TMEM272: variants seen among roughly 807,000 people sequenced by gnomAD.
The protein encoded by TMEM272 is transmembrane protein 272.
In TMEM272, 8 loss-of-function variants were observed where a neutral mutation model predicts 3.7. The ratio of observed to expected loss-of-function variants is 2.17; its 90% CI spans 1.27 to 3.91. The LOEUF (loss-of-function observed/expected upper bound fraction) is 3.91. Among genes scored for constraint, TMEM272 ranks in the 30% most tolerant of loss-of-function variants. The pLI, the probability that TMEM272 is intolerant of heterozygous loss-of-function variation, is 0.00. For synonymous variants in TMEM272, 63 were observed against 39.8 expected, an observed-to-expected ratio of 1.58 and a Z score of -2.20; for missense variants, 166 against 91.5, an observed-to-expected ratio of 1.81 and a Z score of -3.32.
intron 3 of TMEM272, 41 bp from the exon 4 acceptor site, chr13:51,822,178 C>A: frequency 1.5e-6 from 1 of 660,356 alleles, no homozygotes; most frequent in Non-Finnish European, 2.7e-6. Context: ...GAAATACATT[C>A]GAGAGCACAA....
the TMEM272 span, chr13:51,909,966 T>G: frequency 6.3e-6 from 10 of 1,591,522 alleles, no homozygotes; most frequent in Admixed American, 8.4e-5. Context: ...CTGGCTTTCC[T>G]GAAGTTGACA....
At chr13:51,909,978 T>C in the TMEM272 span, 1 of 1,582,002 alleles carries the variant, frequency 6.3e-7, no homozygotes, top group Non-Finnish European at 8.7e-7. Context: ...AAGTTGACAA[T>C]TTTCACTCGA....
At chr13:51,857,036 G>A in the TMEM272 span, among the ~76,000 whole-genome samples, 1 of 152,104 alleles carries the variant, frequency 6.6e-6, no homozygotes, top group Non-Finnish European at 1.5e-5. Flanking sequence ...CCAATACTAT[G>A]ATAATACAAA....
At chr13:51,899,975 T>C in the TMEM272 span, among the ~76,000 whole-genome samples, 1 of 152,196 alleles carries the variant, frequency 6.6e-6, no homozygotes, top group African/African-American at 2.4e-5. Flanking sequence ...GGACTCCTAT[T>C]ACAAACCACA....
At chr13:51,856,590 G>T in the TMEM272 span, among the ~76,000 whole-genome samples, 1 of 152,138 alleles carries the variant, frequency 6.6e-6, no homozygotes, top group South Asian at 2.1e-4. Flanking sequence ...AAGCAAGATG[G>T]AGTCAACTAT....
At chr13:51,890,348 CT>C in the TMEM272 span, among the ~76,000 whole-genome samples, 1 of 152,092 alleles carries the variant, frequency 6.6e-6, no homozygotes, top group Admixed American at 6.5e-5. Context: ...AGTACTTGCT[CT>C]GTTAGTTTCC....
At chr13:51,827,487 T>C (rs1170303520) in intron 2 of TMEM272, among the ~76,000 whole-genome samples, 2 of 152,260 alleles carry the variant, frequency 1.3e-5, no homozygotes, top group Non-Finnish European at 2.9e-5. Flanking sequence ...CAGATATATC[T>C]GCAGATATAG....
the TMEM272 span, among the ~76,000 whole-genome samples, chr13:51,857,980 C>A: frequency 6.6e-6 from 1 of 152,116 alleles, no homozygotes; most frequent in Non-Finnish European, 1.5e-5. Flanking sequence ...CAAAGTAGAA[C>A]TTAAGGCAAG....
Position 51,834,204 on chromosome 13 carries a change from G to T in TMEM272, c.58+4269C>A, listed in dbSNP as rs76434140. On this transcript the variant is annotated intron_variant, in intron 2 of 4. Coordinates refer to ENST00000629372, the MANE Select transcript of TMEM272 (RefSeq NM_001351003.2). The stretch of plus-strand genomic sequence containing the variant: ...AAATCCTCTCGCTTGGAAGAGGGGC[G>T]CACTTTTCTTCCAATAAAAGCACCG... 7.9e-4 allele frequency among the ~76,000 whole-genome samples: 120 copies of T among 152,288 alleles called. 1 individual carries two copies. In the East Asian group the frequency reaches 0.019, roughly 25 times the overall value.
At chr13:51,885,416 C>T in the TMEM272 span, among the ~76,000 whole-genome samples, 12 of 152,180 alleles carry the variant, frequency 7.9e-5, no homozygotes, top group African/African-American at 2.9e-4. Context: ...AGAATGAGTG[C>T]CAGCAGGGGA....
chr13:51,853,411 CA>C, the TMEM272 span, among the ~76,000 whole-genome samples: 108 of 137,584 alleles, frequency 7.8e-4, no homozygotes, highest in Admixed American at 1.0e-3. Flanking sequence ...CTCCATCTCT[CA>C]AAAAAAAAAA....
At chr13:51,843,763 G>C (rs1956281010) in intron 1 of TMEM272, among the ~76,000 whole-genome samples, 2 of 152,170 alleles carry the variant, frequency 1.3e-5, no homozygotes, top group African/African-American at 4.8e-5. Flanking sequence ...ACCTGCCTCT[G>C]CACCTAGAAG....
chr13:51,834,061 C>T (rs1956195165), intron 2 of TMEM272, among the ~76,000 whole-genome samples: 1 of 152,094 alleles, frequency 6.6e-6, no homozygotes, highest in Non-Finnish European at 1.5e-5. Context: ...CGTAAAGACC[C>T]CGACATCTCA....
chr13:51,817,585 T>G (rs1457380100), intron 4 of TMEM272, among the ~76,000 whole-genome samples: 12 of 152,190 alleles, frequency 7.9e-5, no homozygotes, highest in Non-Finnish European at 1.3e-4. Flanking sequence ...TTCCAGGCCA[T>G]GTAACAGGCT....
At chr13:51,905,708 T>C in the TMEM272 span, among the ~76,000 whole-genome samples, 1 of 152,172 alleles carries the variant, frequency 6.6e-6, no homozygotes, top group Non-Finnish European at 1.5e-5. Context: ...TCAAGGGCCA[T>C]GCGACACTTA....
chr13:51,823,084 T>C (rs1459533919), intron 3 of TMEM272, among the ~76,000 whole-genome samples: 2 of 151,974 alleles, frequency 1.3e-5, no homozygotes, highest in Non-Finnish European at 1.5e-5. Flanking sequence ...AAAGCATTTA[T>C]TTTTTTTGAG....
In TMEM272 at chr13:51,822,102, G is replaced by C. The variant is rs1347308253; in HGVS notation, c.154C>G (p.Leu52Val). 1.4e-6 allele frequency: 1 copy of C among 702,504 alleles called. No homozygotes were observed. The highest frequency in any genetic ancestry group is 2.0e-5 in the Admixed American group (1 of 50,010). 43.5% of individuals were successfully genotyped at this position (702,504 alleles called of 1,614,324 possible). A position where few individuals can be genotyped will look rare whatever the true frequency, so the allele number is the denominator to read the frequency against. The change falls in exon 4 of 5, where the codon CTC (leucine) becomes GTC (valine). Residue 52 changes from leucine (L) to valine (V), a missense_variant. By Grantham distance (32) the Leu-to-Val change is conservative. Coordinates refer to ENST00000629372, the MANE Select transcript of TMEM272 (RefSeq NM_001351003.2). ...KFLEDCPIQP[L>V]IPLYLLVGGI... ...CCCACTAGCAAATATAAAGGAATGA[G>C]GGGCTGTATAGGGCAGTCCTCCAAA...
chr13:51,863,665 GCACACAGACACACACACACA>G, the TMEM272 span, among the ~76,000 whole-genome samples: 1 of 103,766 alleles, frequency 9.6e-6, no homozygotes, highest in Non-Finnish European at 1.9e-5. Context: ...ATATGCACGC[GCACACAGACACACACACACA>G]CACACACACA....
rs2139538826 is a variant in TMEM272 at position 51,815,524 on chromosome 13, AAACAT to A, written c.*1222_*1226del. The A allele has an allele frequency of 6.6e-6, 1 of 152,620 alleles. No homozygotes were observed. Among genetic ancestry groups the A allele is most frequent in the African/African-American group, 2.4e-5 (1 of 41,596 alleles). The allele number at this position is 152,620 out of a possible 1,614,324, so 9.5% of individuals were successfully genotyped here. A position where few individuals can be genotyped will look rare whatever the true frequency, so the allele number is the denominator to read the frequency against. The stretch of plus-strand genomic sequence containing the variant: ...GGATTGGTTTGATGAGAAAGCACGA[AAACAT>A]AACAAAGTTAAAAAATAAACACAGC... On this transcript the variant is annotated 3_prime_UTR_variant, in exon 5 of 5. Transcript: ENST00000629372.
Sources: allele counts gnomAD v4.1 joint callset (sites outside exome capture counted in the v4.1 genomes callset), GRCh38; gene constraint gnomAD v4.1.1; transcripts MANE v1.5; gene names NCBI Gene and HGNC (gene_info 2026-07-23, HGNC 2026-07-21).